XKR9: variants seen among roughly 807,000 people sequenced by gnomAD.
XKR9 encodes the protein XK related 9.
In XKR9, 32 loss-of-function variants were observed where a neutral mutation model predicts 32.0. That is an observed-to-expected ratio of 1.00 (90% CI 0.76 to 1.34). The LOEUF (loss-of-function observed/expected upper bound fraction) is 1.34. XKR9 is among the 40% of genes most tolerant of loss of function. The probability of loss-of-function intolerance (pLI) is 0.00; values close to 1 mark genes in which losing one functional copy is unlikely to be tolerated. For missense variants in XKR9, 546 were observed against 429.7 expected (o/e 1.27, Z -2.39); for synonymous variants, 168 against 143.4 (o/e 1.17, Z -1.22).
the XKR9 span, among the ~76,000 whole-genome samples, chr8:70,957,535 C>T: frequency 6.6e-6 from 1 of 152,094 alleles, no homozygotes; most frequent in Non-Finnish European, 1.5e-5. Flanking sequence ...CTCCTCCTCC[C>T]ACTCCCCATC....
intron 3 of XKR9, among the ~76,000 whole-genome samples, chr8:70,691,882 C>T (rs1283160145): frequency 2.0e-5 from 3 of 151,946 alleles, no homozygotes; most frequent in African/African-American, 7.2e-5. Flanking sequence ...CTTAGGATTG[C>T]CTTGACTATT....
intron 3 of XKR9, among the ~76,000 whole-genome samples, chr8:70,699,973 A>T (rs1414188406): frequency 6.6e-6 from 1 of 152,156 alleles, no homozygotes; most frequent in Admixed American, 6.5e-5. Flanking sequence ...AGTTGATCGC[A>T]TCAGCTCCTG....
chr8:70,736,855 G>C (rs1473865382), downstream of XKR9, among the ~76,000 whole-genome samples: 6 of 151,480 alleles, frequency 4.0e-5, no homozygotes, highest in African/African-American at 1.2e-4. Flanking sequence ...GTACCATGCT[G>C]TTTTGGTTAC....
downstream of XKR9, among the ~76,000 whole-genome samples, chr8:70,737,479 G>A (rs1806885550): frequency 2.9e-5 from 4 of 140,168 alleles, no homozygotes; most frequent in Admixed American, 2.9e-4. Flanking sequence ...CTGCCTAATT[G>A]CCCTGGCCAG....
chr8:70,733,232 G>T (rs1371283470), intron 4 of XKR9, among the ~76,000 whole-genome samples: 1 of 152,148 alleles, frequency 6.6e-6, no homozygotes, highest in Non-Finnish European at 1.5e-5. Flanking sequence ...TCATTCACTT[G>T]TTTCAATATC....
At chr8:70,707,843 TC>T (rs1805774368) in intron 4 of XKR9, among the ~76,000 whole-genome samples, 1 of 152,078 alleles carries the variant, frequency 6.6e-6, no homozygotes, top group Non-Finnish European at 1.5e-5. Context: ...AAAGTCTATT[TC>T]CATCTTCCTT....
At chr8:70,982,395 T>C in the XKR9 span, among the ~76,000 whole-genome samples, 1 of 152,068 alleles carries the variant, frequency 6.6e-6, no homozygotes, top group Non-Finnish European at 1.5e-5. Flanking sequence ...TGGTTCACAG[T>C]CCAGTGGAGT....
the XKR9 span, among the ~76,000 whole-genome samples, chr8:70,914,253 A>G: frequency 6.6e-6 from 1 of 152,142 alleles, no homozygotes; most frequent in Non-Finnish European, 1.5e-5. Context: ...GAGTATACAC[A>G]TAGAAGTAGG....
the XKR9 span, among the ~76,000 whole-genome samples, chr8:70,908,719 T>C: frequency 6.6e-6 from 1 of 152,352 alleles, no homozygotes; most frequent in East Asian, 1.9e-4. Context: ...CACTGAAATT[T>C]GAATTTCATT....
chr8:70,951,482 G>A, the XKR9 span, among the ~76,000 whole-genome samples: 2 of 152,244 alleles, frequency 1.3e-5, no homozygotes, highest in African/African-American at 4.8e-5. Flanking sequence ...ATATTTGTTA[G>A]CACTTTACAC....
intron 2 of XKR9, among the ~76,000 whole-genome samples, chr8:70,742,870 G>A (rs1186664363): frequency 6.6e-6 from 1 of 151,922 alleles, no homozygotes; most frequent in Non-Finnish European, 1.5e-5. Context: ...TGACTACTGT[G>A]TTCATGTGTA....
rs1806849466 is a variant in XKR9, at chr8:70,735,840, C to T, written c.*1416C>T. On this transcript the variant is annotated 3_prime_UTR_variant, in exon 5 of 5. Coordinates refer to ENST00000408926, the MANE Select transcript of XKR9 (RefSeq NM_001011720.2). ...AGTATTCCATGGTGTATATGTGCCACATTTTCTTAATCCAGTCTATTGTTG... is the reference window on the plus strand; with the variant it reads ...AGTATTCCATGGTGTATATGTGCCATATTTTCTTAATCCAGTCTATTGTTG... The T allele has an allele frequency of 6.6e-6, 1 of 151,924 alleles. No homozygotes were observed. Among genetic ancestry groups the T allele is most frequent in the African/African-American group, 2.4e-5 (1 of 41,302 alleles). 9.4% of individuals were successfully genotyped at this position (151,924 alleles called of 1,614,324 possible).
chr8:70,729,009 C>G (rs970518552), intron 4 of XKR9, among the ~76,000 whole-genome samples: 1 of 152,170 alleles, frequency 6.6e-6, no homozygotes, highest in African/African-American at 2.4e-5. Flanking sequence ...TACCACAGAT[C>G]AGGAACCTTG....
the XKR9 span, among the ~76,000 whole-genome samples, chr8:70,833,102 A>G: frequency 1.3e-5 from 2 of 152,186 alleles, no homozygotes; most frequent in African/African-American, 2.4e-5. Flanking sequence ...ACACCTGTGT[A>G]TGTTTTCCTT....
At chr8:70,751,257 G>A (rs1362318510) in intron 2 of XKR9, among the ~76,000 whole-genome samples, 1 of 152,206 alleles carries the variant, frequency 6.6e-6, no homozygotes, top group Non-Finnish European at 1.5e-5. Context: ...AGCCTCCCAA[G>A]TAGCTGGGAT....
downstream of XKR9, among the ~76,000 whole-genome samples, chr8:70,739,054 A>G (rs908839454): frequency 2.9e-5 from 4 of 139,952 alleles, no homozygotes; most frequent in Non-Finnish European, 6.5e-5. Flanking sequence ...TGATCTGTCT[A>G]ATGTTGACAA....
chr8:71,017,074 A>G, the XKR9 span, among the ~76,000 whole-genome samples: 1 of 152,186 alleles, frequency 6.6e-6, no homozygotes, highest in East Asian at 1.9e-4. Context: ...GAATAGCTCA[A>G]CTCACACTTC....
intron 3 of XKR9, among the ~76,000 whole-genome samples, chr8:70,693,219 T>C (rs1805142394): frequency 6.6e-6 from 1 of 152,202 alleles, no homozygotes; most frequent in South Asian, 2.1e-4. Context: ...GTCAATAGAC[T>C]TCTTTTCTGG....
At chr8:70,853,968 A>C in the XKR9 span, among the ~76,000 whole-genome samples, 1 of 152,216 alleles carries the variant, frequency 6.6e-6, no homozygotes, top group Non-Finnish European at 1.5e-5. Flanking sequence ...TGCTATTGTG[A>C]ATAGTGCCAC....
Sources: allele counts gnomAD v4.1 joint callset (sites outside exome capture counted in the v4.1 genomes callset), GRCh38; gene constraint gnomAD v4.1.1; transcripts MANE v1.5; gene names NCBI Gene and HGNC (gene_info 2026-07-23, HGNC 2026-07-21).